Variants in ZNF385D observed in about 807,000 individuals in gnomAD.
ZNF385D encodes the protein zinc finger protein 659.
A neutral mutation model predicts 35.8 loss-of-function variants in ZNF385D; 15 were observed. The observed-to-expected ratio is 0.42, with a 90% CI of 0.28 to 0.64. ZNF385D has a LOEUF of 0.64. ZNF385D is among the 30% of genes least tolerant of loss of function. ZNF385D has a pLI of 0.23. For missense variants in ZNF385D, 474 were observed against 494.6 expected (o/e 0.96, Z 0.39); for synonymous variants, 212 against 186.8 (o/e 1.13, Z -1.10).
intron 3 of ZNF385D, among the ~76,000 whole-genome samples, chr3:21,972,654 G>C (rs542208390): frequency 7.9e-5 from 12 of 151,162 alleles, no homozygotes; most frequent in Non-Finnish European, 1.5e-4. Context: ...TTGTTTTTTT[G>C]AAATTATAAA....
At chr3:21,795,790 A>G (rs1441915765) in intron 3 of ZNF385D, among the ~76,000 whole-genome samples, 2 of 152,252 alleles carry the variant, frequency 1.3e-5, no homozygotes, top group Admixed American at 6.5e-5. Context: ...ACTTCAGATT[A>G]TAGGCACTCA....
At chr3:22,226,215 CTTTT>C (rs982274746) in intron 2 of ZNF385D, among the ~76,000 whole-genome samples, 15 of 151,984 alleles carry the variant, frequency 9.9e-5, no homozygotes, top group Non-Finnish European at 1.8e-4. Flanking sequence ...TCCTCAATTC[CTTTT>C]TTAAGAGTAT....
chr3:21,466,704 TA>T (rs964442377), intron 4 of ZNF385D, among the ~76,000 whole-genome samples: 1 of 151,944 alleles, frequency 6.6e-6, no homozygotes, highest in Non-Finnish European at 1.5e-5. Context: ...AAAAATTTGT[TA>T]AAAAAAATGA....
At chr3:21,834,294 A>T (rs1249690207) in intron 3 of ZNF385D, among the ~76,000 whole-genome samples, 1 of 152,142 alleles carries the variant, frequency 6.6e-6, no homozygotes, top group African/African-American at 2.4e-5. Context: ...CTCCAAGTCT[A>T]AACAGCAAAA....
intron 2 of ZNF385D, among the ~76,000 whole-genome samples, chr3:21,574,278 CAT>C (rs2063427199): frequency 6.6e-6 from 1 of 152,012 alleles, no homozygotes; most frequent in Non-Finnish European, 1.5e-5. Flanking sequence ...AATAGAGGGA[CAT>C]ACACACAAGA....
rs79682679 is a variant in ZNF385D, at chr3:21,661,469, C to T, written c.165+3417G>A. The stretch of plus-strand genomic sequence containing the variant: ...AATAACTAGCAGTTGACTGAATGAA[C>T]TAAGCTCAAACCCCTTTCTAATATT... On this transcript the variant is annotated intron_variant, in intron 2 of 7. Transcript: ENST00000281523. Among the ~76,000 whole-genome samples, 1,246 of 152,272 alleles carry T rather than the reference C, an allele frequency of 8.2e-3. 19 individuals are homozygous for T. Among genetic ancestry groups the T allele is most frequent in the African/African-American group, 0.029 (1,212 of 41,552 alleles).
intron 3 of ZNF385D, among the ~76,000 whole-genome samples, chr3:21,889,167 G>A (rs259533): frequency 4.7e-4 from 72 of 152,196 alleles, no homozygotes; most frequent in Non-Finnish European, 8.2e-4. Context: ...GAGGCTGCTT[G>A]TAGTACTAGA....
chr3:21,773,358 A>G (rs1454684938), intron 3 of ZNF385D, among the ~76,000 whole-genome samples: 1 of 151,854 alleles, frequency 6.6e-6, no homozygotes, highest in African/African-American at 2.4e-5. Context: ...GTCTTTGCCC[A>G]TGAAAGATTT....
At chr3:21,889,917 C>G (rs1300413177) in intron 3 of ZNF385D, among the ~76,000 whole-genome samples, 1 of 152,048 alleles carries the variant, frequency 6.6e-6, no homozygotes, top group Admixed American at 6.6e-5. Context: ...GTCAGTAAGT[C>G]CAATCTTCAC....
intron 2 of ZNF385D, among the ~76,000 whole-genome samples, chr3:22,177,637 G>C (rs969340867): frequency 2.6e-5 from 4 of 152,096 alleles, no homozygotes; most frequent in Non-Finnish European, 5.9e-5. Context: ...CAATGTGCAG[G>C]TTTGTTACAT....
chr3:21,764,122 C>A (rs772239046), intron 3 of ZNF385D, among the ~76,000 whole-genome samples: 1 of 152,004 alleles, frequency 6.6e-6, no homozygotes, highest in Non-Finnish European at 1.5e-5. Context: ...ATATAAAGAA[C>A]GCGGTTGATT....
In ZNF385D at chr3:22,069,325, A is replaced by T. The variant is rs78345559; in HGVS notation, c.325+99492T>A. Among the ~76,000 whole-genome samples, 1,368 of 152,260 alleles carry T rather than the reference A, an allele frequency of 9.0e-3. 18 individuals carry two copies. The highest frequency in any genetic ancestry group is 0.031 in the African/African-American group (1,307 of 41,548). ...GAGATCTCTCACCAATGACCAAACA[A>T]ATCAAGCTCCTGGTAGAATAAAACG... On this transcript the variant is annotated intron_variant, in intron 3 of 5. Coordinates refer to the ZNF385D transcript ENST00000494108.
intron 2 of ZNF385D, among the ~76,000 whole-genome samples, chr3:22,210,652 T>C (rs1458562242): frequency 1.3e-5 from 2 of 151,918 alleles, no homozygotes; most frequent in Non-Finnish European, 2.9e-5. Context: ...TACATTTTTA[T>C]TACACATCTT....
At chr3:22,300,457 A>G (rs1702838252) in intron 2 of ZNF385D, among the ~76,000 whole-genome samples, 3 of 151,826 alleles carry the variant, frequency 2.0e-5, no homozygotes, top group Non-Finnish European at 1.5e-5. Context: ...ATATCAAAGT[A>G]AAATCTTCTG....
At chr3:22,205,866 A>G (rs575423528) in intron 2 of ZNF385D, among the ~76,000 whole-genome samples, 10 of 152,006 alleles carry the variant, frequency 6.6e-5, no homozygotes, top group Non-Finnish European at 1.3e-4. Flanking sequence ...CAAAGCAACC[A>G]GAAAATAAAT....
intron 1 of ZNF385D, among the ~76,000 whole-genome samples, chr3:21,717,898 G>A (rs933693197): frequency 6.6e-6 from 1 of 152,102 alleles, no homozygotes; most frequent in Non-Finnish European, 1.5e-5. Context: ...CATAAAAATG[G>A]ACTACTACAT....
At chr3:21,728,004 G>C (rs1211200027) in intron 1 of ZNF385D, among the ~76,000 whole-genome samples, 4 of 152,074 alleles carry the variant, frequency 2.6e-5, no homozygotes, top group African/African-American at 9.7e-5. Flanking sequence ...GATGAAGCTG[G>C]AAACCATCAT....
chr3:21,812,068 G>C (rs1247209426), intron 3 of ZNF385D, among the ~76,000 whole-genome samples: 3 of 151,894 alleles, frequency 2.0e-5, no homozygotes, highest in Non-Finnish European at 2.9e-5. Context: ...GAAAACACAA[G>C]GAATTTAAGA....
chr3:22,092,741 T>C (rs1701397908), intron 3 of ZNF385D, among the ~76,000 whole-genome samples: 1 of 152,128 alleles, frequency 6.6e-6, no homozygotes, highest in Admixed American at 6.6e-5. Context: ...ATATTAAGAT[T>C]ACTGTCTGGT....
Sources: allele counts gnomAD v4.1 joint callset (sites outside exome capture counted in the v4.1 genomes callset), GRCh38; gene constraint gnomAD v4.1.1; transcripts MANE v1.5; gene names NCBI Gene and HGNC (gene_info 2026-07-23, HGNC 2026-07-21).